The following PITPNM2 variants were observed in gnomAD, a reference collection of about 807,000 sequenced individuals.
PITPNM2 encodes the protein membrane-associated phosphatidylinositol transfer protein 2.
PITPNM2 carries 35 observed loss-of-function variants against 132.2 expected under a neutral mutation model. That is an observed-to-expected ratio of 0.26 (90% confidence interval 0.20 to 0.35). The LOEUF (loss-of-function observed/expected upper bound fraction) is 0.35, where lower values mean the gene tolerates loss of function less well. PITPNM2 is among the 10% of genes least tolerant of loss of function. The probability of loss-of-function intolerance (pLI) is 1.00; values close to 1 mark genes in which losing one functional copy is unlikely to be tolerated. For synonymous variants in PITPNM2, 738 were observed against 799.2 expected (o/e 0.92, Z 1.29); for missense variants, 1,332 against 1,912.0 (o/e 0.70, Z 5.66).
chr12:123,040,344 G>C (rs1297118038), intron 2 of PITPNM2, among the ~76,000 whole-genome samples: 4 of 152,064 alleles, frequency 2.6e-5, no homozygotes. Flanking sequence ...TACTTACTGT[G>C]ATGAAATAGT....
chr12:123,094,218 G>A (rs2042346397), intron 2 of PITPNM2, among the ~76,000 whole-genome samples: 1 of 152,246 alleles, frequency 6.6e-6, no homozygotes, highest in East Asian at 1.9e-4. Flanking sequence ...CCAGTACAGG[G>A]CTGGCTGTAG....
intron 17 of PITPNM2, among the ~76,000 whole-genome samples, chr12:122,990,210 G>C (rs536642000): frequency 2.6e-5 from 4 of 152,382 alleles, no homozygotes; most frequent in Admixed American, 2.6e-4. Flanking sequence ...AAGGGAACCC[G>C]GGCTGTGCTT....
rs1426483336 is a variant in PITPNM2, at chr12:123,099,244, A to AT, written c.-96+11140_-96+11141insA. Among the ~76,000 whole-genome samples the AT allele has an allele frequency of 4.6e-5, 7 of 152,186 alleles. No individual in the cohort carries two copies. The highest frequency in any genetic ancestry group is 1.2e-4 in the African/African-American group (5 of 41,508). On this transcript the variant is annotated intron_variant, in intron 2 of 25. Coordinates refer to ENST00000320201, the MANE Select transcript of PITPNM2 (RefSeq NM_020845.3). The surrounding 1 kb of genome is among the most constrained non-coding windows in gnomAD (Gnocchi z 4.2). ...AACTGTCGATTTTGCTGAAAAAAAA[A>AT]ATATATATCTTTTTTTTTAAAGAAT...
chr12:123,150,631 C>CGGCGGGCG lies in PITPNM2; in HGVS notation c.-200+114_-200+121dup, dbSNP rs1424296481. On this transcript the variant is annotated intron_variant, in intron 1 of 25. Transcript: ENST00000320201. The surrounding 1 kb of genome is among the most constrained non-coding windows in gnomAD (Gnocchi z 6.0). The stretch of plus-strand genomic sequence containing the variant: ...TCCAGCCCCCGGCGGGCTGGAGGCT[C>CGGCGGGCG]GGCGGGCGGGCGGGCCGGGGCCTCT... 2.1e-5 allele frequency among the ~76,000 whole-genome samples: 3 copies of CGGCGGGCG among 146,122 alleles called. No individual in the cohort carries two copies. The highest frequency in any genetic ancestry group is 7.6e-5 in the African/African-American group (3 of 39,558).
rs55813219 is a variant in PITPNM2 at position 122,995,462 on chromosome 12, G to T, written c.1981C>A (p.Leu661Met). Residue 661 changes from leucine (L) to methionine (M), a missense_variant, in exon 14 of 26, where the codon CTG becomes ATG. Around this residue, in one of 6 missense-constraint regions of PITPNM2, gnomAD observed 710 missense variants for 911.5 expected, o/e 0.78. Transcript: ENST00000320201. ...SNGTEDPKRQ[L>M]PRKRSDSSTY... Reference sequence around the variant, plus strand: ...GATGAGTCGCTCCTCTTGCGGGGCAGTTGCCTTTTGGGGTCCTCAGTGCCG... The same window carrying T: ...GATGAGTCGCTCCTCTTGCGGGGCATTTGCCTTTTGGGGTCCTCAGTGCCG... The T allele has an allele frequency of 8.2e-3, 13,256 of 1,613,964 alleles. 813 individuals carry two copies. The African/African-American group carries it at 0.15, about 18-fold the overall frequency.
chr12:123,076,701 A>G (rs61955223), intron 2 of PITPNM2, among the ~76,000 whole-genome samples: 1,524 of 152,274 alleles, frequency 0.01, 6 homozygotes, highest in Middle Eastern at 0.02. Flanking sequence ...AGAGTTGACT[A>G]TGGGTTCCCT....
chr12:123,123,226 G>A (rs956407035), intron 1 of PITPNM2, among the ~76,000 whole-genome samples: 5 of 152,178 alleles, frequency 3.3e-5, no homozygotes, highest in African/African-American at 4.8e-5. Context: ...CTCTACATGA[G>A]CCAACAGAGA....
intron 19 of PITPNM2, 86 bp from the exon 20 acceptor site, chr12:122,988,436 G>T: frequency 8.7e-7 from 1 of 1,146,250 alleles, no homozygotes; most frequent in Non-Finnish European, 1.3e-6. Flanking sequence ...GTACCCGGGA[G>T]CAAGAGGAGC....
chr12:123,120,171 C>A (rs2043008974), intron 1 of PITPNM2, among the ~76,000 whole-genome samples: 1 of 152,174 alleles, frequency 6.6e-6, no homozygotes, highest in Non-Finnish European at 1.5e-5. Flanking sequence ...ATAACTAACA[C>A]CCTCTAAGAT....
chr12:123,088,284 G>A (rs1461341928), intron 2 of PITPNM2: 1 of 152,056 alleles, frequency 6.6e-6, no homozygotes, highest in East Asian at 1.9e-4. Flanking sequence ...CTACAAAGAG[G>A]TCCTTTCTGA....
chr12:123,030,468 C>A (rs1243030319), intron 3 of PITPNM2, among the ~76,000 whole-genome samples: 1 of 151,994 alleles, frequency 6.6e-6, no homozygotes, highest in Non-Finnish European at 1.5e-5. Flanking sequence ...CTGAGGCGGG[C>A]GGATCACGAG....
intron 2 of PITPNM2, among the ~76,000 whole-genome samples, chr12:123,052,596 G>C (rs970333215): frequency 6.6e-6 from 1 of 152,156 alleles, no homozygotes; most frequent in African/African-American, 2.4e-5. Flanking sequence ...TCCAGCTACA[G>C]CGACAGAGCA....
At position 122,987,178 on chromosome 12, in the gene PITPNM2, C is replaced by T. The variant is rs923507212; in HGVS notation, c.3413+103G>A. On this transcript the variant is annotated intron_variant, in intron 23 of 25. Transcript: ENST00000320201. Reference sequence around the variant, plus strand: ...CTTAAGGCCCAGTGCCCGAGCCAGGCGTCCCCCACAGAGGCTCCGCTGTCC... The same window carrying T: ...CTTAAGGCCCAGTGCCCGAGCCAGGTGTCCCCCACAGAGGCTCCGCTGTCC... 45 of 1,510,296 alleles carry T rather than the reference C, an allele frequency of 3.0e-5. No individual in the cohort carries two copies. The East Asian group carries it at 6.1e-4, about 21-fold the overall frequency. The allele number at this position is 1,510,296 out of a possible 1,614,324, so 93.6% of individuals were successfully genotyped here. A position where few individuals can be genotyped will look rare whatever the true frequency, so the allele number is the denominator to read the frequency against.
In PITPNM2 at chr12:123,097,187, C is replaced by T. The variant is rs537865007; in HGVS notation, c.-96+13198G>A. ...CCTCCTGAGTAGCTGGGATTACAGG[C>T]GCCCACCACCACGCCCAGCTAATTT... On this transcript the variant is annotated intron_variant, in intron 2 of 25. Coordinates refer to ENST00000320201, the MANE Select transcript of PITPNM2 (RefSeq NM_020845.3). This position sits in a 1 kb window ranked among gnomAD's most constrained non-coding sequence, Gnocchi z 4.7. Among the ~76,000 whole-genome samples, 9 of 152,156 alleles carry T rather than the reference C, an allele frequency of 5.9e-5. No homozygotes were observed. Among genetic ancestry groups the T allele is most frequent in the East Asian group, 1.9e-4 (1 of 5,180 alleles).
intron 2 of PITPNM2, among the ~76,000 whole-genome samples, chr12:123,098,695 T>C (rs1233398566): frequency 6.6e-6 from 1 of 151,970 alleles, no homozygotes; most frequent in Non-Finnish European, 1.5e-5. Context: ...GCCTCCTAAT[T>C]AGAAGCAAAC....
intron 2 of PITPNM2, among the ~76,000 whole-genome samples, chr12:123,037,694 A>G (rs1373859697): frequency 1.3e-5 from 2 of 152,068 alleles, no homozygotes; most frequent in South Asian, 4.2e-4. Flanking sequence ...TCCTTTCTCA[A>G]TCCTCTCAGA....
Position 122,992,431 on chromosome 12 carries a change from C to T in PITPNM2, c.2404+68G>A. The T allele has an allele frequency of 2.6e-6, 4 of 1,524,020 alleles. No individual in the cohort carries two copies. In the South Asian group the frequency reaches 3.7e-5, roughly 14 times the overall value. 94.4% of individuals were successfully genotyped at this position (1,524,020 alleles called of 1,614,324 possible). On this transcript the variant is annotated intron_variant, in intron 16 of 25. Coordinates refer to ENST00000320201, the MANE Select transcript of PITPNM2 (RefSeq NM_020845.3). This position sits in a 1 kb window ranked among gnomAD's most constrained non-coding sequence, Gnocchi z 6.5. Reference sequence around the variant, plus strand: ...GGGAAGAACCACGTAGCATGGAGGACCTAGGAGCCAGGGAGCCACGCTTAC... The same window carrying T: ...GGGAAGAACCACGTAGCATGGAGGATCTAGGAGCCAGGGAGCCACGCTTAC...
In PITPNM2 at chr12:123,077,976, T is replaced by C. The variant is rs545181166; in HGVS notation, c.-96+32409A>G. On this transcript the variant is annotated intron_variant, in intron 2 of 25. Coordinates refer to ENST00000320201, the MANE Select transcript of PITPNM2 (RefSeq NM_020845.3). This position sits in a 1 kb window ranked among gnomAD's most constrained non-coding sequence, Gnocchi z 4.8. ...AGCACGCAGCTCTCCCAGCAGCCCA[T>C]GCCTGGAGACAGAGGACACTGAGGA... Among the ~76,000 whole-genome samples, 3 of 151,902 alleles carry C rather than the reference T, an allele frequency of 2.0e-5. No homozygotes were observed. In the South Asian group the frequency reaches 6.2e-4, roughly 32 times the overall value.
intron 2 of PITPNM2, among the ~76,000 whole-genome samples, chr12:123,098,707 AACAGATGCC>A (rs919886380): frequency 1.6e-3 from 243 of 152,164 alleles, no homozygotes; most frequent in African/African-American, 5.6e-3. Flanking sequence ...GAAGCAAACA[AACAGATGCC>A]ACAGAGACAG....
Sources: allele counts gnomAD v4.1 joint callset (sites outside exome capture counted in the v4.1 genomes callset), GRCh38; gene constraint gnomAD v4.1.1; regional missense constraint gnomAD v4.1.1; non-coding constraint Gnocchi (gnomAD v3.1); transcripts MANE v1.5; gene names NCBI Gene and HGNC (gene_info 2026-07-23, HGNC 2026-07-21).